Variants in SH3PXD2B observed in about 807,000 individuals in gnomAD.
SH3PXD2B encodes the protein SH3 and PX domains 2B.
Under a neutral mutation model 73.1 loss-of-function variants are expected in SH3PXD2B, and 37 were observed. That is an observed-to-expected ratio of 0.51 (90% CI 0.39 to 0.67). The LOEUF (loss-of-function observed/expected upper bound fraction) is 0.67, where lower values mean the gene tolerates loss of function less well. SH3PXD2B is among the 30% of genes least tolerant of loss of function. SH3PXD2B has a pLI of 0.00. For missense variants in SH3PXD2B, 1,053 were observed against 1,197.8 expected (o/e 0.88, Z 1.78); for synonymous variants, 457 against 480.5 (o/e 0.95, Z 0.64).
rs6877799 is a variant in SH3PXD2B, at chr5:172,398,209, G to A, written c.233-3570C>T. 8.5e-3 allele frequency among the ~76,000 whole-genome samples: 1,296 copies of A among 152,330 alleles called. 14 individuals carry two copies. Among genetic ancestry groups the A allele is most frequent in the African/African-American group, 0.022 (928 of 41,554 alleles). On this transcript the variant is annotated intron_variant, in intron 3 of 12. Coordinates refer to ENST00000311601, the MANE Select transcript of SH3PXD2B (RefSeq NM_001017995.3). ...TAAACCTATGGGGGCCGTTGAAACC[G>A]GCATGCCTGCCCATGCTTTAATACC...
intron 12 of SH3PXD2B, among the ~76,000 whole-genome samples, chr5:172,327,845 C>G (rs1405438643): frequency 6.6e-5 from 10 of 151,258 alleles, no homozygotes; most frequent in African/African-American, 2.4e-4. Context: ...ACCTCTGCCT[C>G]CCAGGTTCAA....
At position 172,421,901 on chromosome 5, in the gene SH3PXD2B, G is replaced by A. The variant is rs761373277; in HGVS notation, c.156+515C>T. Among the ~76,000 whole-genome samples, 14 of 152,204 alleles carry A rather than the reference G, an allele frequency of 9.2e-5. No individual in the cohort carries two copies. Among genetic ancestry groups the A allele is most frequent in the Non-Finnish European group, 1.5e-4 (10 of 68,048 alleles). On this transcript the variant is annotated intron_variant, in intron 2 of 12. Coordinates refer to ENST00000311601, the MANE Select transcript of SH3PXD2B (RefSeq NM_001017995.3). This position sits in a 1 kb window ranked among gnomAD's most constrained non-coding sequence, Gnocchi z 4.0. Reference sequence around the variant, plus strand: ...TTTCCAGATTACCCTCCATTCTGGAGCAGTTAACAGGCACCCTTTCTCTTA... The same window carrying A: ...TTTCCAGATTACCCTCCATTCTGGAACAGTTAACAGGCACCCTTTCTCTTA...
intron 4 of SH3PXD2B, among the ~76,000 whole-genome samples, chr5:172,390,255 A>G (rs971240777): frequency 5.3e-5 from 8 of 152,186 alleles, no homozygotes; most frequent in Non-Finnish European, 8.8e-5. Flanking sequence ...TTGCCTCCAT[A>G]AATTTGCCTT....
At position 172,368,500 on chromosome 5, in the gene SH3PXD2B, ATATATATATATAAAATATATATATAT is replaced by A. The variant is rs1561908009; in HGVS notation, c.427+5264_427+5289del. ...TATATATAAAATATATATATATTATATATATATATATAAAATATATATATATTATATATATATATAAAATATATATA... is the reference window on the plus strand; with the variant it reads ...TATATATAAAATATATATATATTATATATATATATATATAAAATATATATA... On this transcript the variant is annotated intron_variant, in intron 6 of 12. Coordinates refer to ENST00000311601, the MANE Select transcript of SH3PXD2B (RefSeq NM_001017995.3). 3.1e-4 allele frequency among the ~76,000 whole-genome samples: 6 copies of A among 19,148 alleles called. 2 individuals are homozygous for A. The South Asian group carries it at 5.4e-3, about 17-fold the overall frequency. 12.6% of individuals were successfully genotyped at this position (19,148 alleles called of 152,430 possible).
chr5:172,396,721 T>G (rs1012962344), intron 3 of SH3PXD2B, among the ~76,000 whole-genome samples: 2 of 145,958 alleles, frequency 1.4e-5, no homozygotes, highest in African/African-American at 5.1e-5. Context: ...TCAAGGCAGG[T>G]GGATAACCTG....
At chr5:172,355,411 AG>A (rs1484496825) in intron 8 of SH3PXD2B, among the ~76,000 whole-genome samples, 4 of 152,206 alleles carry the variant, frequency 2.6e-5, no homozygotes, top group Non-Finnish European at 4.4e-5. Flanking sequence ...ATCCAACCCC[AG>A]ATGCACAGAA....
chr5:172,430,550 C>G (rs1759212085), intron 1 of SH3PXD2B, among the ~76,000 whole-genome samples: 2 of 152,260 alleles, frequency 1.3e-5, no homozygotes, highest in Admixed American at 1.3e-4. Flanking sequence ...CAAATGCCAA[C>G]TGCCACACAC....
chr5:172,329,083 A>ATATATAT (rs58472514), downstream of SH3PXD2B, among the ~76,000 whole-genome samples: 1 of 61,812 alleles, frequency 1.6e-5, no homozygotes, highest in Non-Finnish European at 2.7e-5. Flanking sequence ...ATATATATAT[A>ATATATAT]TTTTTTTTTT....
intron 12 of SH3PXD2B, among the ~76,000 whole-genome samples, chr5:172,326,681 T>C (rs1273635128): frequency 6.6e-6 from 1 of 152,200 alleles, no homozygotes; most frequent in Non-Finnish European, 1.5e-5. Context: ...TCCAGCCGCA[T>C]GTTTCTTTTC....
At chr5:172,417,274 A>G (rs1758848098) in intron 2 of SH3PXD2B, among the ~76,000 whole-genome samples, 1 of 152,192 alleles carries the variant, frequency 6.6e-6, no homozygotes, top group Non-Finnish European at 1.5e-5. Flanking sequence ...AGATGAGCCA[A>G]TGAGACTTTT....
intron 5 of SH3PXD2B, among the ~76,000 whole-genome samples, chr5:172,379,313 T>TA (rs11346663): frequency 0.12 from 13,243 of 112,760 alleles, 1,067 homozygotes; most frequent in African/African-American, 0.25. Context: ...TACAAAAAAT[T>TA]AAAAAAAAAA....
chr5:172,441,987 T>G (rs1483336706), intron 1 of SH3PXD2B, among the ~76,000 whole-genome samples: 1 of 152,312 alleles, frequency 6.6e-6, no homozygotes, highest in East Asian at 1.9e-4. Flanking sequence ...GAGCCCTATG[T>G]GGACTTCTTT....
chr5:172,338,852 G>C lies in SH3PXD2B; in HGVS notation c.2253C>G (p.Pro751=), dbSNP rs1756770069. ...KSVPVPLQEA[P]QQRPVVPPRR... ...GGGGTGGGACCACAGGTCTCTGCTG[G>C]GGAGCCTCTTGGAGAGGAACAGGCA... The change falls in exon 13 of 13, where the codon CCC becomes CCG. Residue 751 remains proline, a synonymous_variant. Transcript: ENST00000311601. The surrounding 1 kb of genome is among the most constrained non-coding windows in gnomAD (Gnocchi z 5.1). The C allele has an allele frequency of 1.9e-6, 3 of 1,613,348 alleles. No homozygotes were observed. The East Asian group carries it at 6.7e-5, about 36-fold the overall frequency.
At position 172,353,936 on chromosome 5, in the gene SH3PXD2B, G is replaced by T; in HGVS notation, c.737C>A (p.Ala246Asp). The change falls in exon 9 of 13, where the codon GCT becomes GAT. Residue 246 changes from alanine to aspartate, a missense_variant. Ala to Asp is a moderately radical substitution (Grantham distance 126, BLOSUM62 -2). Coordinates refer to ENST00000311601, the MANE Select transcript of SH3PXD2B (RefSeq NM_001017995.3). This position sits in a 1 kb window ranked among gnomAD's most constrained non-coding sequence, Gnocchi z 4.3. ...DQDEMNLERG[A>D]VVEVIQKNLE... ...GTTTTTCTGGATGACCTCCACCACAGCCCCTCTCTCCAGGTTCATTTCATC... is the reference window on the plus strand; with the variant it reads ...GTTTTTCTGGATGACCTCCACCACATCCCCTCTCTCCAGGTTCATTTCATC... 1 of 1,614,062 alleles carries T rather than the reference G, an allele frequency of 6.2e-7. No homozygotes were observed. Among genetic ancestry groups the T allele is most frequent in the Non-Finnish European group, 8.5e-7 (1 of 1,180,026 alleles).
At chr5:172,453,803 G>A (rs1360714256) in intron 1 of SH3PXD2B, among the ~76,000 whole-genome samples, 1 of 152,200 alleles carries the variant, frequency 6.6e-6, no homozygotes, top group East Asian at 1.9e-4. Flanking sequence ...GCCAAAGAAC[G>A]GAGTCAAATT....
intron 6 of SH3PXD2B, among the ~76,000 whole-genome samples, chr5:172,368,925 G>A (rs868728119): frequency 7.0e-6 from 1 of 142,038 alleles, no homozygotes; most frequent in Non-Finnish European, 1.5e-5. Flanking sequence ...ACGGAGTTTT[G>A]CTCTTGTTGC....
chr5:172,428,421 A>T (rs1249072790), intron 1 of SH3PXD2B, among the ~76,000 whole-genome samples: 2 of 152,238 alleles, frequency 1.3e-5, no homozygotes, highest in Non-Finnish European at 2.9e-5. Context: ...AAATAGCGAC[A>T]ATAACAAGTG....
chr5:172,356,582 T>G (rs1757282733), intron 8 of SH3PXD2B: 1 of 152,242 alleles, frequency 6.6e-6, no homozygotes, highest in Admixed American at 6.5e-5. Context: ...ACGACATCAC[T>G]GTTTCTCACA....
rs761429128 is a variant in SH3PXD2B, at chr5:172,422,509, C to T, written c.76-13G>A. On this transcript the variant is annotated splice_polypyrimidine_tract_variant and intron_variant, in intron 1 of 12. Coordinates refer to ENST00000311601, the MANE Select transcript of SH3PXD2B (RefSeq NM_001017995.3). ...GGATGATGTAGACCTGCGGGAGCAA[C>T]AGAGGAGATGGGTGTTAACACCAGA... is the stretch of plus-strand genomic sequence containing the variant. 3 of 1,608,662 alleles carry T rather than the reference C, an allele frequency of 1.9e-6. No homozygotes were observed. Among genetic ancestry groups the T allele is most frequent in the Non-Finnish European group, 2.5e-6 (3 of 1,178,428 alleles).
Sources: allele counts gnomAD v4.1 joint callset (sites outside exome capture counted in the v4.1 genomes callset), GRCh38; gene constraint gnomAD v4.1.1; non-coding constraint Gnocchi (gnomAD v3.1); transcripts MANE v1.5; gene names NCBI Gene and HGNC (gene_info 2026-07-23, HGNC 2026-07-21).